Variants in KIRREL3 observed in about 807,000 individuals in gnomAD.
The protein encoded by KIRREL3 is kirre like nephrin family adhesion molecule 3.
KIRREL3 carries 36 observed loss-of-function variants against 89.7 expected under a neutral mutation model. The ratio of observed to expected loss-of-function variants is 0.40; its 90% CI spans 0.31 to 0.53. The LOEUF is 0.53. Among genes scored for constraint, KIRREL3 ranks in the 20% least tolerant of loss-of-function variants. KIRREL3 has a pLI of 0.49. For missense variants in KIRREL3, 864 were observed against 1,056.6 expected (o/e 0.82, Z 2.53); for synonymous variants, 445 against 441.4 (o/e 1.01, Z -0.10).
At chr11:126,926,317 G>T (rs917160644) in intron 1 of KIRREL3, among the ~76,000 whole-genome samples, 2 of 152,192 alleles carry the variant, frequency 1.3e-5, no homozygotes, top group Non-Finnish European at 1.5e-5. Context: ...CTAGCCAGTG[G>T]GTTGTGAGAA....
Position 126,615,751 on chromosome 11 carries a change from G to A in KIRREL3, c.56-52839C>T, listed in dbSNP as rs541610660. Among the ~76,000 whole-genome samples, 9 of 152,308 alleles carry A rather than the reference G, an allele frequency of 5.9e-5. No homozygotes were observed. Among genetic ancestry groups the A allele is most frequent in the Non-Finnish European group, 8.8e-5 (6 of 68,016 alleles). On this transcript the variant is annotated intron_variant, in intron 1 of 16. Coordinates refer to ENST00000525144, the MANE Select transcript of KIRREL3 (RefSeq NM_032531.4). This position sits in a 1 kb window ranked among gnomAD's most constrained non-coding sequence, Gnocchi z 5.4. The stretch of plus-strand genomic sequence containing the variant: ...CATTCCTCCAGTGAGGTGTTGGCCC[G>A]GTCCAGAGGCAGAGCCTTACTACCT...
At chr11:126,789,723 A>G (rs1045426672) in intron 1 of KIRREL3, among the ~76,000 whole-genome samples, 16 of 152,096 alleles carry the variant, frequency 1.1e-4, no homozygotes, top group African/African-American at 3.9e-4. Flanking sequence ...TTTCTCTTCA[A>G]TATGGAGACA....
At chr11:126,942,987 A>G (rs1948504756) in intron 1 of KIRREL3, among the ~76,000 whole-genome samples, 1 of 152,196 alleles carries the variant, frequency 6.6e-6, no homozygotes, top group Non-Finnish European at 1.5e-5. Context: ...CATATTAAGG[A>G]GGCTATATGA....
At chr11:126,854,125 C>CG (rs1944430295) in intron 1 of KIRREL3, among the ~76,000 whole-genome samples, 3 of 69,364 alleles carry the variant, frequency 4.3e-5, no homozygotes, top group Non-Finnish European at 9.3e-5. Flanking sequence ...TAATAAGTTT[C>CG]TTGTGTGTGT....
At chr11:126,632,010 A>G (rs2134886746) in intron 1 of KIRREL3, among the ~76,000 whole-genome samples, 1 of 152,310 alleles carries the variant, frequency 6.6e-6, no homozygotes, top group South Asian at 2.1e-4. Flanking sequence ...CCTAGACTAC[A>G]TAAAGCAGTG....
chr11:126,552,556 T>A lies in KIRREL3; in HGVS notation c.133+10279A>T, dbSNP rs935492240. Among the ~76,000 whole-genome samples the A allele has an allele frequency of 2.6e-3, 194 of 73,840 alleles. 6 individuals are homozygous for A. The highest frequency in any genetic ancestry group is 0.011 in the African/African-American group (169 of 15,678). 48.4% of individuals were successfully genotyped at this position (73,840 alleles called of 152,430 possible). On this transcript the variant is annotated intron_variant, in intron 2 of 16. Coordinates refer to ENST00000525144, the MANE Select transcript of KIRREL3 (RefSeq NM_032531.4). ...ACACAGGGGAGAGAGAAAAGTTTTT[T>A]TTTTTTTTTTTTTTTTTTTTTTTTT... is the stretch of plus-strand genomic sequence containing the variant.
rs1954994848 is a variant in KIRREL3 at position 126,427,731 on chromosome 11, G to T, written c.1806+1448C>A. ...GGAGCCACCGAGGGATTTTAAGTGG[G>T]CAAGTAACAGGACCAGATTTGCATT... On this transcript the variant is annotated intron_variant, in intron 15 of 16. Coordinates refer to ENST00000525144, the MANE Select transcript of KIRREL3 (RefSeq NM_032531.4). The surrounding 1 kb of genome is among the most constrained non-coding windows in gnomAD (Gnocchi z 5.3). Among the ~76,000 whole-genome samples the T allele has an allele frequency of 6.6e-6, 1 of 152,198 alleles. No individual in the cohort carries two copies. The highest frequency in any genetic ancestry group is 1.5e-5 in the Non-Finnish European group (1 of 68,038).
intron 7 of KIRREL3, 44 bp downstream of exon 7, chr11:126,456,305 G>T: frequency 1.5e-6 from 2 of 1,341,788 alleles, no homozygotes; most frequent in Non-Finnish European, 1.0e-6. Flanking sequence ...GCACGGGGGT[G>T]GGGGCCAGTG....
intron 1 of KIRREL3, among the ~76,000 whole-genome samples, chr11:126,824,696 A>G (rs1356739363): frequency 6.6e-6 from 1 of 152,230 alleles, no homozygotes; most frequent in Admixed American, 6.5e-5. Flanking sequence ...ACACAATTAT[A>G]TGTGAGAGAG....
At chr11:126,721,445 G>A (rs779886312) in intron 1 of KIRREL3, among the ~76,000 whole-genome samples, 5 of 150,872 alleles carry the variant, frequency 3.3e-5, no homozygotes, top group Non-Finnish European at 7.4e-5. Flanking sequence ...CAGGAGAATC[G>A]CTTGAACACA....
intron 7 of KIRREL3, among the ~76,000 whole-genome samples, chr11:126,450,467 A>C (rs1344692066): frequency 8.4e-6 from 1 of 119,056 alleles, no homozygotes; most frequent in African/African-American, 3.5e-5. Flanking sequence ...GAGTGTGTGA[A>C]TGTGTGCATG....
intron 1 of KIRREL3, among the ~76,000 whole-genome samples, chr11:126,727,733 C>T (rs186823456): frequency 6.6e-6 from 1 of 152,348 alleles, no homozygotes; most frequent in East Asian, 1.9e-4. Flanking sequence ...GACTTAGCTC[C>T]ATCCATTTTC....
At chr11:126,469,542 C>G (rs1161969863) in intron 5 of KIRREL3, among the ~76,000 whole-genome samples, 1 of 152,228 alleles carries the variant, frequency 6.6e-6, no homozygotes, top group Non-Finnish European at 1.5e-5. Flanking sequence ...ATTGTGTAAC[C>G]TACTGGGTAT....
chr11:126,882,404 G>T (rs1411407442), intron 1 of KIRREL3, among the ~76,000 whole-genome samples: 1 of 152,068 alleles, frequency 6.6e-6, no homozygotes, highest in East Asian at 1.9e-4. Context: ...CACCTCCTTG[G>T]TTAACTGAAC....
rs888668431 is a variant in KIRREL3, at chr11:126,484,346, A to G, written c.434-10880T>C. On this transcript the variant is annotated intron_variant, in intron 4 of 16. Transcript: ENST00000525144. This position sits in a 1 kb window ranked among gnomAD's most constrained non-coding sequence, Gnocchi z 5.2. ...GTCATAAAAAAACAGCACCAATAAT[A>G]TGAATAATAGCTAACATTGATATAG... is the stretch of plus-strand genomic sequence containing the variant. Among the ~76,000 whole-genome samples the G allele has an allele frequency of 6.6e-6, 1 of 152,208 alleles. No homozygotes were observed. The highest frequency in any genetic ancestry group is 1.5e-5 in the Non-Finnish European group (1 of 68,048).
At chr11:126,543,788 G>A (rs989087817) in intron 2 of KIRREL3, among the ~76,000 whole-genome samples, 7 of 152,208 alleles carry the variant, frequency 4.6e-5, no homozygotes, top group Non-Finnish European at 1.0e-4. Context: ...TCCTAATCCT[G>A]TGTGGCCTTA....
At chr11:126,759,475 G>C (rs1258556585) in intron 1 of KIRREL3, among the ~76,000 whole-genome samples, 2 of 152,234 alleles carry the variant, frequency 1.3e-5, no homozygotes, top group Non-Finnish European at 2.9e-5. Context: ...CAGAGCACGT[G>C]TATAGAATTT....
At chr11:126,665,566 C>T (rs1429174282) in intron 1 of KIRREL3, among the ~76,000 whole-genome samples, 2 of 152,170 alleles carry the variant, frequency 1.3e-5, no homozygotes, top group Non-Finnish European at 2.9e-5. Context: ...CAGAGAGCTG[C>T]CCTCTTCCAC....
chr11:126,927,068 T>A (rs1245319065), intron 1 of KIRREL3, among the ~76,000 whole-genome samples: 1 of 152,182 alleles, frequency 6.6e-6, no homozygotes, highest in East Asian at 1.9e-4. Flanking sequence ...AAAGGCAGAA[T>A]CAATTAAAAT....
Sources: allele counts gnomAD v4.1 joint callset (sites outside exome capture counted in the v4.1 genomes callset), GRCh38; gene constraint gnomAD v4.1.1; non-coding constraint Gnocchi (gnomAD v3.1); transcripts MANE v1.5; gene names NCBI Gene and HGNC (gene_info 2026-07-23, HGNC 2026-07-21).